The following HPSE2 variants were observed in gnomAD, a reference collection of about 807,000 sequenced individuals.
HPSE2 encodes the protein inactive heparanase-2.
Under a neutral mutation model 60.5 loss-of-function variants are expected in HPSE2, and 38 were observed. The observed-to-expected ratio is 0.63, with a 90% CI of 0.48 to 0.82. The LOEUF is 0.82. Ranked by LOEUF, HPSE2 falls within the 40% of genes least tolerant of loss-of-function variation. HPSE2 has a pLI of 0.00. For missense variants in HPSE2, 713 were observed against 740.4 expected, an observed-to-expected ratio of 0.96 and a Z score of 0.43; for synonymous variants, 295 against 293.2, an observed-to-expected ratio of 1.01 and a Z score of -0.06.
At chr10:98,569,928 T>C (rs900077169) in intron 9 of HPSE2, among the ~76,000 whole-genome samples, 4 of 152,196 alleles carry the variant, frequency 2.6e-5, no homozygotes, top group African/African-American at 9.7e-5. Flanking sequence ...CTTCTTCATA[T>C]CCATTTTCAT....
At chr10:99,015,001 G>A (rs1280341052) in intron 3 of HPSE2, among the ~76,000 whole-genome samples, 1 of 152,116 alleles carries the variant, frequency 6.6e-6, no homozygotes, top group Non-Finnish European at 1.5e-5. Context: ...TCAAAAAGTG[G>A]GCGAAGGATA....
rs997453873 is a variant in HPSE2 at position 99,049,882 on chromosome 10, T to A, written c.610+94356A>T. 5.9e-5 allele frequency among the ~76,000 whole-genome samples: 9 copies of A among 152,266 alleles called. No homozygotes were observed. In the South Asian group the frequency reaches 1.9e-3, roughly 32 times the overall value. ...CTTCTACCCAGAATATATAATGAAC[T>A]CTGACAACTTAATAATAAAAATGAA... On this transcript the variant is annotated intron_variant, in intron 3 of 11. Transcript: ENST00000370552.
chr10:98,952,717 G>A (rs950691600), intron 3 of HPSE2, among the ~76,000 whole-genome samples: 4 of 152,096 alleles, frequency 2.6e-5, no homozygotes, highest in Non-Finnish European at 4.4e-5. Context: ...TGCTAGTATG[G>A]TAGGGTTCTG....
chr10:98,662,419 G>A (rs1174249975), intron 6 of HPSE2, among the ~76,000 whole-genome samples: 1 of 152,204 alleles, frequency 6.6e-6, no homozygotes, highest in African/African-American at 2.4e-5. Flanking sequence ...CATGGATGGA[G>A]CTGAAGGCCA....
At chr10:99,099,636 A>C (rs1843865990) in intron 3 of HPSE2, among the ~76,000 whole-genome samples, 1 of 152,196 alleles carries the variant, frequency 6.6e-6, no homozygotes, top group African/African-American at 2.4e-5. Context: ...ACAGCTTTGA[A>C]GAGAGTAGTG....
At chr10:98,497,948 T>C (rs913393614) in intron 9 of HPSE2, among the ~76,000 whole-genome samples, 4 of 152,212 alleles carry the variant, frequency 2.6e-5, no homozygotes, top group Non-Finnish European at 5.9e-5. Context: ...TTATGAACTT[T>C]GGCCAGAAAT....
In HPSE2 at chr10:98,762,711, CT is replaced by C. The variant is rs754742252; in HGVS notation, c.611-18656del. ...TGAACATAACCACATTGATCCCATA[CT>C]TTTAAAAAAAAATGGGACACAGGTT... On this transcript the variant is annotated intron_variant, in intron 3 of 11. Coordinates refer to ENST00000370552, the MANE Select transcript of HPSE2 (RefSeq NM_021828.5). 9.6e-3 allele frequency among the ~76,000 whole-genome samples: 368 copies of C among 38,480 alleles called. 1 individual carries two copies. Among genetic ancestry groups the C allele is most frequent in the African/African-American group, 0.083 (284 of 3,410 alleles). 25.2% of individuals were successfully genotyped at this position (38,480 alleles called of 152,430 possible).
the HPSE2 span, among the ~76,000 whole-genome samples, chr10:99,310,026 A>C: frequency 7.2e-5 from 11 of 152,290 alleles, no homozygotes; most frequent in South Asian, 1.5e-3. Context: ...AAAATTCTTT[A>C]TCTCTTCCAG....
At chr10:98,515,712 GA>G (rs1393277347) in intron 9 of HPSE2, among the ~76,000 whole-genome samples, 1 of 151,960 alleles carries the variant, frequency 6.6e-6, no homozygotes, top group South Asian at 2.1e-4. Flanking sequence ...CATTTAAAAT[GA>G]AAAAAAGTTT....
At chr10:98,576,414 G>A (rs1944641100) in intron 9 of HPSE2, among the ~76,000 whole-genome samples, 1 of 151,888 alleles carries the variant, frequency 6.6e-6, no homozygotes, top group South Asian at 2.1e-4. Context: ...AACAGAAAAT[G>A]TTGAACTCAT....
At chr10:98,523,117 G>A (rs920907786) in intron 9 of HPSE2, among the ~76,000 whole-genome samples, 1 of 151,962 alleles carries the variant, frequency 6.6e-6, no homozygotes, top group African/African-American at 2.4e-5. Flanking sequence ...TGTTTTGTTT[G>A]TTTGTTTGTT....
At chr10:98,484,256 T>G (rs1199149459) in intron 10 of HPSE2, among the ~76,000 whole-genome samples, 7 of 150,956 alleles carry the variant, frequency 4.6e-5, no homozygotes, top group Non-Finnish European at 1.5e-5. Flanking sequence ...CTTCCTTCCT[T>G]TCTTTCTTTT....
At chr10:98,708,455 CAAA>C (rs35950365) in intron 5 of HPSE2, among the ~76,000 whole-genome samples, 6 of 119,672 alleles carry the variant, frequency 5.0e-5, no homozygotes, top group Non-Finnish European at 5.2e-5. Flanking sequence ...GACTACGTCT[CAAA>C]AAAAAAAAAA....
intron 4 of HPSE2, among the ~76,000 whole-genome samples, chr10:98,724,794 A>G (rs1565112823): frequency 1.3e-5 from 2 of 151,966 alleles, no homozygotes; most frequent in Non-Finnish European, 2.9e-5. Flanking sequence ...GCAAACCCTC[A>G]GGACACAAAA....
intron 3 of HPSE2, among the ~76,000 whole-genome samples, chr10:98,993,289 C>A (rs1271839298): frequency 6.6e-6 from 1 of 152,178 alleles, no homozygotes; most frequent in East Asian, 1.9e-4. Flanking sequence ...GCATGTATAA[C>A]AACATAAACA....
chr10:98,960,741 T>TTTTTTTTTTTTTTTTTTTTA (rs1955651715), intron 3 of HPSE2, among the ~76,000 whole-genome samples: 1 of 15,240 alleles, frequency 6.6e-5, no homozygotes, highest in African/African-American at 2.3e-4. Context: ...TTTTATTTTA[T>TTTTTTTTTTTTTTTTTTTTA]TTTTTTTTTT....
intron 3 of HPSE2, among the ~76,000 whole-genome samples, chr10:98,874,427 A>G (rs2134847732): frequency 6.6e-6 from 1 of 151,996 alleles, no homozygotes; most frequent in East Asian, 1.9e-4. Flanking sequence ...TCTAGGGTGT[A>G]AAGGAATGTT....
chr10:99,312,869 T>C, the HPSE2 span, among the ~76,000 whole-genome samples: 3 of 152,218 alleles, frequency 2.0e-5, no homozygotes, highest in African/African-American at 4.8e-5. Flanking sequence ...TCCCTAATAC[T>C]GTAGGTATGG....
At chr10:99,146,412 T>C (rs1313636792) in intron 2 of HPSE2, among the ~76,000 whole-genome samples, 1 of 152,204 alleles carries the variant, frequency 6.6e-6, no homozygotes, top group African/African-American at 2.4e-5. Flanking sequence ...GCCGACATCT[T>C]AAAGGGGGAC....
Sources: allele counts gnomAD v4.1 joint callset (sites outside exome capture counted in the v4.1 genomes callset), GRCh38; gene constraint gnomAD v4.1.1; transcripts MANE v1.5; gene names NCBI Gene and HGNC (gene_info 2026-07-23, HGNC 2026-07-21).